Variants in PCM1 observed in about 807,000 individuals in gnomAD.
PCM1 encodes pericentriolar material 1, also known as pericentriolar material 1 protein.
In PCM1, 157 loss-of-function variants were observed where a neutral mutation model predicts 241.9. The observed-to-expected ratio is 0.65, with a 90% CI of 0.57 to 0.74. PCM1 has a LOEUF of 0.74. Ranked by LOEUF, PCM1 falls within the 30% of genes least tolerant of loss-of-function variation. PCM1 has a pLI of 0.00. For synonymous variants in PCM1, 1,085 were observed against 784.9 expected, an observed-to-expected ratio of 1.38 and a Z score of -6.39; for missense variants, 3,478 against 2,360.1, an observed-to-expected ratio of 1.47 and a Z score of -9.81.
At chr8:18,020,548 C>G (rs894608889) in intron 36 of PCM1, among the ~76,000 whole-genome samples, 4 of 152,134 alleles carry the variant, frequency 2.6e-5, no homozygotes, top group Non-Finnish European at 5.9e-5. Flanking sequence ...TGTGTGGTAT[C>G]ATAACTATTG....
rs1588004378 is a variant in PCM1 at position 17,991,823 on chromosome 8, C to G, written c.4690+123C>G. 6.4e-6 allele frequency: 4 copies of G among 622,078 alleles called. No individual in the cohort carries two copies. The South Asian group carries it at 1.1e-4, about 16-fold the overall frequency. 38.5% of individuals were successfully genotyped at this position (622,078 alleles called of 1,614,324 possible). On this transcript the variant is annotated intron_variant, in intron 28 of 38. Coordinates refer to ENST00000325083, the MANE Select transcript of PCM1 (RefSeq NM_006197.4). ...CATCGCCTGAGCAGTATACACTGTACCCAGTGTGTATTGTTTGATCCCTCA... is the reference window on the plus strand; with the variant it reads ...CATCGCCTGAGCAGTATACACTGTAGCCAGTGTGTATTGTTTGATCCCTCA...
At chr8:17,986,198 C>T in intron 26 of PCM1, 111 bp downstream of exon 26, 2 of 752,456 alleles carry the variant, frequency 2.7e-6, no homozygotes, top group Non-Finnish European at 3.9e-6. Context: ...TGATTTTCAG[C>T]TTTTTTTAAA....
In PCM1 at chr8:18,006,517, C is replaced by A. The variant is rs570923601; in HGVS notation, c.4962+120C>A. The A allele has an allele frequency of 6.2e-6, 4 of 640,470 alleles. No homozygotes were observed. In the East Asian group the frequency reaches 1.0e-4, roughly 17 times the overall value. The allele number at this position is 640,470 out of a possible 1,614,324, so 39.7% of individuals were successfully genotyped here. On this transcript the variant is annotated intron_variant, in intron 30 of 38. Transcript: ENST00000325083. ...TTATTCTGGTGGACATCCAATCTAG[C>A]GTCCATTTGGGATGATGTTGTAATA...
intron 2 of PCM1, among the ~76,000 whole-genome samples, chr8:17,931,020 A>T (rs529444107): frequency 6.6e-6 from 1 of 152,186 alleles, no homozygotes; most frequent in Non-Finnish European, 1.5e-5. Context: ...TCTACCCCCT[A>T]TGGCAATCAC....
rs1217548235 is a variant in PCM1 at position 17,988,163 on chromosome 8, TGTCTTGAAGACTTGAAGCACATCAA to T, written c.4411-1690_4411-1666del. ...GATAATAAAATGGTAAAAGCACATC[TGTCTTGAAGACTTGAAGCACATCAA>T]GTCTTACTTGAAACAGTAAAAAAAA... On this transcript the variant is annotated intron_variant, in intron 26 of 38. Coordinates refer to ENST00000325083, the MANE Select transcript of PCM1 (RefSeq NM_006197.4). Among the ~76,000 whole-genome samples the T allele has an allele frequency of 4.6e-5, 7 of 151,938 alleles. No homozygotes were observed. The East Asian group carries it at 1.2e-3, about 25-fold the overall frequency.
At chr8:17,925,589 C>T (rs1193799016) in intron 2 of PCM1, 1 of 152,212 alleles carries the variant, frequency 6.6e-6, no homozygotes, top group Non-Finnish European at 1.5e-5. Context: ...GTAATCCCAG[C>T]ACTTTGGGAG....
At chr8:17,965,071 C>G (rs1436168537) in intron 18 of PCM1, among the ~76,000 whole-genome samples, 1 of 151,986 alleles carries the variant, frequency 6.6e-6, no homozygotes, top group East Asian at 1.9e-4. Flanking sequence ...TAGAACAACT[C>G]ACGAAATACA....
Position 17,947,286 on chromosome 8 carries a change from C to T in PCM1, c.884C>T (p.Ala295Val). 6.2e-7 allele frequency: 1 copy of T among 1,612,610 alleles called. No individual in the cohort carries two copies. Among genetic ancestry groups the T allele is most frequent in the Admixed American group, 1.7e-5 (1 of 59,976 alleles). ...TTACAACAGCAGGAGCAACTAAGAG[C>T]TCTACAGGGACGGCAGGCTGCACTT... is the stretch of plus-strand genomic sequence containing the variant. Reference protein sequence around the residue: ...RMLQQQEQLRALQGRQAALLA... With the variant: ...RMLQQQEQLRVLQGRQAALLA... The change falls in exon 7 of 39, where the codon GCT (alanine) becomes GTT (valine). Residue 295 changes from alanine (A) to valine (V), a missense_variant. Transcript: ENST00000325083.
Position 17,950,596 on chromosome 8 carries a change from G to A in PCM1, c.962-19G>A. 1 of 1,208,706 alleles carries A rather than the reference G, an allele frequency of 8.3e-7. No individual in the cohort carries two copies. Among genetic ancestry groups the A allele is most frequent in the African/African-American group, 1.5e-5 (1 of 67,170 alleles). The allele number at this position is 1,208,706 out of a possible 1,614,324, so 74.9% of individuals were successfully genotyped here. On this transcript the variant is annotated intron_variant, in intron 7 of 38. Transcript: ENST00000325083. ...GTTTGATTATTTACATTAATCAGTA[G>A]TTACTAATTTCTTTCCAGTTGTTGC...
intron 8 of PCM1, among the ~76,000 whole-genome samples, chr8:17,952,495 C>A (rs2066449833): frequency 6.6e-6 from 1 of 152,054 alleles, no homozygotes; most frequent in South Asian, 2.1e-4. Context: ...TCTGTGGGTT[C>A]CACATCCATG....
At chr8:18,000,685 G>A (rs113382201) in intron 29 of PCM1, among the ~76,000 whole-genome samples, 5 of 151,968 alleles carry the variant, frequency 3.3e-5, no homozygotes, top group Admixed American at 1.3e-4. Context: ...GCAGTGGCGC[G>A]ATCTCGGCTC....
intron 23 of PCM1, chr8:17,980,264 T>G (rs549946416): frequency 5.4e-6 from 1 of 183,834 alleles, no homozygotes; most frequent in East Asian, 1.3e-4. Context: ...GTGATTCTTA[T>G]GTCTCCTAAT....
chr8:18,026,554 C>T (rs1240399375), intron 38 of PCM1, among the ~76,000 whole-genome samples: 3 of 151,626 alleles, frequency 2.0e-5, no homozygotes, highest in Admixed American at 6.6e-5. Context: ...CCACCATGCC[C>T]AGCCCAAAAA....
chr8:18,014,110 A>AC (rs71215293), intron 35 of PCM1, 74 bp downstream of exon 35: 57,554 of 760,150 alleles, frequency 0.076, 776 homozygotes, highest in Non-Finnish European at 0.086. Flanking sequence ...AAAAAAAAAA[A>AC]ACACACACAG....
At chr8:17,974,854 A>G (rs942921798) in intron 23 of PCM1, among the ~76,000 whole-genome samples, 4 of 134,648 alleles carry the variant, frequency 3.0e-5, no homozygotes, top group African/African-American at 1.2e-4. Flanking sequence ...GCCCCACTTT[A>G]AGGCACACAC....
intron 36 of PCM1, chr8:18,024,944 C>A (rs1328896971): frequency 6.5e-6 from 1 of 153,790 alleles, no homozygotes; most frequent in Non-Finnish European, 1.4e-5. Flanking sequence ...AAGACAGTTA[C>A]TAAATTCATA....
chr8:17,957,694 T>A lies in PCM1; in HGVS notation c.1959T>A (p.Ala653=). ...SSLVDEHPED[A]EFEQKINRLM... Reference sequence around the variant, plus strand: ...TGGTTGATGAGCATCCAGAAGATGCTGAATTTGAACAGAAGATCAACCGAC... The same window carrying A: ...TGGTTGATGAGCATCCAGAAGATGCAGAATTTGAACAGAAGATCAACCGAC... Residue 653 remains alanine (A), a synonymous_variant, in exon 13 of 39, where the codon GCT becomes GCA. Transcript: ENST00000325083. 1 of 1,612,782 alleles carries A rather than the reference T, an allele frequency of 6.2e-7. No individual in the cohort carries two copies. The highest frequency in any genetic ancestry group is 8.5e-7 in the Non-Finnish European group (1 of 1,179,354).
chr8:17,981,027 A>T (rs2080566927), intron 24 of PCM1, among the ~76,000 whole-genome samples: 1 of 152,222 alleles, frequency 6.6e-6, no homozygotes, highest in Admixed American at 6.5e-5. Flanking sequence ...TGAAAATCTT[A>T]TCTGATTAAG....
chr8:17,937,336 T>C lies in PCM1; in HGVS notation c.299T>C (p.Leu100Ser). 1 of 1,607,018 alleles carries C rather than the reference T, an allele frequency of 6.2e-7. No homozygotes were observed. Reference protein sequence around the residue: ...SQMSVPEQAELEKLKQRINFS... With the variant: ...SQMSVPEQAESEKLKQRINFS... Reference sequence around the variant, plus strand: ...ATGTCTGTCCCAGAGCAGGCAGAATTAGAGAAACTGAAACAGCGGATAAAC... The same window carrying C: ...ATGTCTGTCCCAGAGCAGGCAGAATCAGAGAAACTGAAACAGCGGATAAAC... Residue 100 changes from leucine (L) to serine (S), a missense_variant, in exon 4 of 39, where the codon TTA (leucine) becomes TCA (serine). Transcript: ENST00000325083.
Sources: gnomAD v4.1 joint callset for allele counts (sites outside exome capture counted in the v4.1 genomes callset) on GRCh38, gnomAD v4.1.1 for gene constraint, MANE v1.5 for transcripts, NCBI Gene and HGNC (gene_info 2026-07-23, HGNC 2026-07-21) for gene names.